CSGALNACT1: variants seen among roughly 807,000 people sequenced by gnomAD.
CSGALNACT1 encodes beta4GalNAcT-1.
CSGALNACT1 carries 52 observed loss-of-function variants against 51.0 expected under a neutral mutation model. That is an observed-to-expected ratio of 1.02 (90% CI 0.82 to 1.29). CSGALNACT1 has a LOEUF of 1.29. Ranked by LOEUF, CSGALNACT1 falls within the 50% of genes most tolerant of loss-of-function variation. CSGALNACT1 has a pLI of 0.00. For missense variants in CSGALNACT1, 935 were observed against 679.2 expected (o/e 1.38, Z -4.19); for synonymous variants, 341 against 254.4 (o/e 1.34, Z -3.24).
At chr8:19,723,741 T>C (rs2063249247) in intron 1 of CSGALNACT1, among the ~76,000 whole-genome samples, 1 of 152,328 alleles carries the variant, frequency 6.6e-6, no homozygotes, top group Admixed American at 6.5e-5. Context: ...TTGCACCATT[T>C]GATGGTACCG....
At chr8:19,698,056 G>A (rs2061670237) in intron 1 of CSGALNACT1, among the ~76,000 whole-genome samples, 1 of 139,782 alleles carries the variant, frequency 7.2e-6, no homozygotes, top group South Asian at 2.3e-4. Context: ...GTTATTCATG[G>A]GAGCTCCACT....
intron 4 of CSGALNACT1, among the ~76,000 whole-genome samples, chr8:19,477,508 A>G (rs2070047991): frequency 6.6e-6 from 1 of 152,210 alleles, no homozygotes; most frequent in African/African-American, 2.4e-5. Flanking sequence ...GTTATCTTTA[A>G]TTTAACTTCT....
At chr8:19,606,884 G>A (rs1457207180), upstream of CSGALNACT1, among the ~76,000 whole-genome samples, 1 of 152,108 alleles carries the variant, frequency 6.6e-6, no homozygotes, top group Non-Finnish European at 1.5e-5. Context: ...AGCCGGGCAC[G>A]GTGGCTCACA....
intron 3 of CSGALNACT1, among the ~76,000 whole-genome samples, chr8:19,515,393 A>T (rs1353459459): frequency 6.6e-6 from 1 of 152,154 alleles, no homozygotes; most frequent in Non-Finnish European, 1.5e-5. Context: ...TTCTCCAGGG[A>T]CCAGCACTGA....
At chr8:19,729,168 T>G (rs2063557072) in intron 1 of CSGALNACT1, among the ~76,000 whole-genome samples, 1 of 151,768 alleles carries the variant, frequency 6.6e-6, no homozygotes, top group Non-Finnish European at 1.5e-5. Context: ...AAGAAAGTCA[T>G]GTCTTTTGAA....
At chr8:19,721,771 T>A (rs2063141925) in intron 1 of CSGALNACT1, among the ~76,000 whole-genome samples, 1 of 152,250 alleles carries the variant, frequency 6.6e-6, no homozygotes, top group Non-Finnish European at 1.5e-5. Flanking sequence ...CCTAATGAAC[T>A]GCACGATATA....
chr8:19,599,074 T>G, intron 2 of CSGALNACT1, among the ~76,000 whole-genome samples: 1 of 147,226 alleles, frequency 6.8e-6, no homozygotes, highest in African/African-American at 2.5e-5. Flanking sequence ...TGGGGAGGAG[T>G]GAGCAGAAGG....
intron 1 of CSGALNACT1, among the ~76,000 whole-genome samples, chr8:19,631,975 T>A (rs2055328115): frequency 6.6e-6 from 1 of 152,236 alleles, no homozygotes; most frequent in Non-Finnish European, 1.5e-5. Context: ...AGGAAGAAGC[T>A]TTTTGCTGTA....
intron 1 of CSGALNACT1, among the ~76,000 whole-genome samples, chr8:19,665,760 T>C (rs2059128990): frequency 6.6e-6 from 1 of 152,196 alleles, no homozygotes; most frequent in Admixed American, 6.5e-5. Context: ...TCTCTCTTAA[T>C]TCATAATAGA....
chr8:19,562,179 A>G (rs2040898539), intron 3 of CSGALNACT1, among the ~76,000 whole-genome samples: 1 of 152,202 alleles, frequency 6.6e-6, no homozygotes, highest in Non-Finnish European at 1.5e-5. Flanking sequence ...CTGATGGGCT[A>G]TATCAAATAG....
chr8:19,601,536 A>G (rs978830752), intron 2 of CSGALNACT1, among the ~76,000 whole-genome samples: 5 of 152,226 alleles, frequency 3.3e-5, no homozygotes, highest in African/African-American at 7.2e-5. Flanking sequence ...AAAAGTTGGG[A>G]AAGTTAGATG....
intron 1 of CSGALNACT1, among the ~76,000 whole-genome samples, chr8:19,661,222 C>G (rs1316008199): frequency 6.6e-6 from 1 of 152,026 alleles, no homozygotes; most frequent in Admixed American, 6.6e-5. Context: ...GAGGACCATT[C>G]AGTTCTGTCA....
At chr8:19,469,845 T>A (rs777324883) in intron 4 of CSGALNACT1, among the ~76,000 whole-genome samples, 2 of 152,174 alleles carry the variant, frequency 1.3e-5, no homozygotes, top group Non-Finnish European at 2.9e-5. Context: ...TTACTCTTCC[T>A]GCCATGGGAA....
At chr8:19,727,503 T>C (rs548396576) in intron 1 of CSGALNACT1, among the ~76,000 whole-genome samples, 16 of 134,182 alleles carry the variant, frequency 1.2e-4, no homozygotes, top group African/African-American at 4.4e-4. Context: ...GCGCGTGTCA[T>C]CACAGCTGGC....
intron 1 of CSGALNACT1, among the ~76,000 whole-genome samples, chr8:19,744,935 G>C (rs1297197946): frequency 3.3e-5 from 5 of 152,074 alleles, no homozygotes; most frequent in Admixed American, 6.5e-5. Context: ...TCTATAATTT[G>C]GTCCAAATAC....
At chr8:19,494,426 C>G (rs1239035233) in intron 4 of CSGALNACT1, among the ~76,000 whole-genome samples, 2 of 152,196 alleles carry the variant, frequency 1.3e-5, no homozygotes, top group African/African-American at 4.8e-5. Flanking sequence ...TCTCTCTGTT[C>G]TGTACACTTG....
At chr8:19,404,291 A>G (rs1274985464) in exon 10 of CSGALNACT1, 1 of 451,032 alleles carries the variant, frequency 2.2e-6, no homozygotes, top group Non-Finnish European at 4.4e-6. Context: ...AACAGCTTGA[A>G]TGTTCTTGAA....
chr8:19,535,277 C>T (rs1214294923), intron 3 of CSGALNACT1, among the ~76,000 whole-genome samples: 1 of 152,094 alleles, frequency 6.6e-6, no homozygotes, highest in Non-Finnish European at 1.5e-5. Flanking sequence ...AAAATTTCAG[C>T]GTGTTCTTCT....
chr8:19,440,670 C>T (rs1355584873), intron 5 of CSGALNACT1, among the ~76,000 whole-genome samples: 2 of 151,952 alleles, frequency 1.3e-5, no homozygotes, highest in Non-Finnish European at 2.9e-5. Context: ...GACAGGGATG[C>T]CCTCTCTCAC....
Sources: allele counts gnomAD v4.1 joint callset (sites outside exome capture counted in the v4.1 genomes callset), GRCh38; gene constraint gnomAD v4.1.1; transcripts MANE v1.5; gene names NCBI Gene and HGNC (gene_info 2026-07-23, HGNC 2026-07-21).